Variants in KIF9 observed in about 807,000 individuals in gnomAD.
The protein encoded by KIF9 is kinesin-like protein KIF9.
In KIF9, 68 loss-of-function variants were observed where a neutral mutation model predicts 94.8. That is an observed-to-expected ratio of 0.72 (90% CI 0.59 to 0.88). KIF9 has a LOEUF of 0.88. KIF9 is among the 40% of genes least tolerant of loss of function. KIF9 has a pLI of 0.00. For missense variants in KIF9, 882 were observed against 982.5 expected (o/e 0.90, Z 1.37); for synonymous variants, 343 against 362.1 (o/e 0.95, Z 0.60).
At chr3:47,271,483 G>C (rs368017554) in intron 4 of KIF9, 22 bp from the exon 5 acceptor site, 3 of 1,597,520 alleles carry the variant, frequency 1.9e-6, no homozygotes, top group East Asian at 2.2e-5. Context: ...ATTGTACAGC[G>C]GTCACCAAGA....
At chr3:47,266,745 A>T (rs1156433328) in intron 7 of KIF9, among the ~76,000 whole-genome samples, 1 of 152,190 alleles carries the variant, frequency 6.6e-6, no homozygotes. Flanking sequence ...TGTAGAGGGC[A>T]CTATCTCATT....
intron 14 of KIF9, 190 bp downstream of exon 14, chr3:47,245,231 C>A: frequency 1.6e-6 from 1 of 620,246 alleles, no homozygotes; most frequent in Non-Finnish European, 2.9e-6. Flanking sequence ...CATGTCTCTA[C>A]CTTATGGAAA....
chr3:47,239,464 CT>C lies in KIF9; in HGVS notation c.1924+1336del, dbSNP rs1199027567. On this transcript the variant is annotated intron_variant, in intron 17 of 20. Coordinates refer to ENST00000684063, the MANE Select transcript of KIF9 (RefSeq NM_182902.4). The stretch of plus-strand genomic sequence containing the variant: ...AGCCACCATCACTGGCCTTCTCCAG[CT>C]TCCCAGACCCGTGGAGGGCTTTGCC... 3 of 753,972 alleles carry C rather than the reference CT, an allele frequency of 4.0e-6. No homozygotes were observed. In the Admixed American group the frequency reaches 1.6e-4, roughly 39 times the overall value. 46.7% of individuals were successfully genotyped at this position (753,972 alleles called of 1,614,324 possible).
At position 47,273,434 on chromosome 3, in the gene KIF9, A is replaced by G. The variant is rs972830945; in HGVS notation, c.366+118T>C. The stretch of plus-strand genomic sequence containing the variant: ...TATGTTGTCTCCAGTACCAGTATCC[A>G]CTGCAACTCCTTTGAGGCCTGGTCC... On this transcript the variant is annotated intron_variant, in intron 4 of 20. Coordinates refer to ENST00000684063, the MANE Select transcript of KIF9 (RefSeq NM_182902.4). 12 of 710,480 alleles carry G rather than the reference A, an allele frequency of 1.7e-5. No individual in the cohort carries two copies. In the East Asian group the frequency reaches 3.3e-4, roughly 20 times the overall value. The allele number at this position is 710,480 out of a possible 1,614,324, so 44.0% of individuals were successfully genotyped here. A position where few individuals can be genotyped will look rare whatever the true frequency, so the allele number is the denominator to read the frequency against.
rs1202316570 is a variant in KIF9 at position 47,271,345 on chromosome 3, G to C, written c.483C>G (p.Pro161=). ...CCACGATGGTCATTGGTGTGACTGA[G>C]GGTCCAACATAGGGCAGAGTGGACA... ...DLLSTLPYVG[P]SVTPMTIVEN... Residue 161 remains proline, a synonymous_variant, in exon 5 of 21, where the codon CCC becomes CCG. Coordinates refer to ENST00000684063, the MANE Select transcript of KIF9 (RefSeq NM_182902.4). 2 of 1,613,896 alleles carry C rather than the reference G, an allele frequency of 1.2e-6. No homozygotes were observed. The highest frequency in any genetic ancestry group is 3.3e-4 in the Middle Eastern group (2 of 6,062).
At chr3:47,265,569 T>C (rs913098019) in intron 8 of KIF9, among the ~76,000 whole-genome samples, 161 bp downstream of exon 8, 12 of 152,204 alleles carry the variant, frequency 7.9e-5, no homozygotes, top group Non-Finnish European at 1.8e-4. Flanking sequence ...CAGTGCTTGA[T>C]TCTGCCTTTC....
intron 1 of KIF9, chr3:47,280,852 T>C (rs1236046669): frequency 4.3e-6 from 3 of 698,640 alleles, no homozygotes; most frequent in Admixed American, 2.0e-5. Flanking sequence ...CATATCCACC[T>C]GCAATAAAGT....
At chr3:47,264,388 T>G (rs748684103) in intron 8 of KIF9, 38 bp from the exon 9 acceptor site, 1 of 1,558,340 alleles carries the variant, frequency 6.4e-7, no homozygotes, top group Non-Finnish European at 8.9e-7. Context: ...ATGAACCATG[T>G]GTTTTTTCTG....
At chr3:47,251,418 G>GCTGGGTGC (rs759243853) in intron 10 of KIF9, among the ~76,000 whole-genome samples, 22 of 152,136 alleles carry the variant, frequency 1.4e-4, no homozygotes, top group Admixed American at 9.8e-4. Flanking sequence ...ATAAAAAATA[G>GCTGGGTGC]CTGGGTGCGG....
intron 10 of KIF9, among the ~76,000 whole-genome samples, chr3:47,253,869 G>T (rs974179450): frequency 3.3e-5 from 5 of 152,152 alleles, no homozygotes; most frequent in African/African-American, 1.2e-4. Flanking sequence ...ATTACAATAA[G>T]TCTATAAAGA....
chr3:47,245,340 A>T (rs1699851023), intron 14 of KIF9, 81 bp downstream of exon 14: 1 of 1,049,764 alleles, frequency 9.5e-7, no homozygotes, highest in South Asian at 1.3e-5. Context: ...GGTTTAATGC[A>T]TTAATACTTG....
At chr3:47,235,279 A>G (rs1236597363) in intron 20 of KIF9, among the ~76,000 whole-genome samples, 3 of 152,166 alleles carry the variant, frequency 2.0e-5, no homozygotes, top group Non-Finnish European at 2.9e-5. Context: ...CGAACCATAC[A>G]TAGGCTAGTC....
Position 47,243,221 on chromosome 3 carries a change from G to A in KIF9, c.1539C>T (p.Ala513=). The A allele has an allele frequency of 6.2e-7, 1 of 1,611,100 alleles. No homozygotes were observed. The highest frequency in any genetic ancestry group is 8.5e-7 in the Non-Finnish European group (1 of 1,177,844). ...PLSSLARKEG[A]SSPVNGKDLD... is the part of the protein sequence containing the mutation. ...AGTCCTTCCCATTCACAGGGCTGCT[G>A]GCACCTTCCTTTCTTGCCAAGGAGC... Residue 513 remains alanine (A), a synonymous_variant, in exon 16 of 21, where the codon GCC becomes GCT. Coordinates refer to ENST00000684063, the MANE Select transcript of KIF9 (RefSeq NM_182902.4).
chr3:47,253,376 G>T (rs1474086242), intron 10 of KIF9, among the ~76,000 whole-genome samples: 1 of 151,902 alleles, frequency 6.6e-6, no homozygotes, highest in African/African-American at 2.4e-5. Flanking sequence ...GGCTGGTCTC[G>T]CACTCCTGGC....
Position 47,244,823 on chromosome 3 carries a change from G to C in KIF9, c.1482C>G (p.Ala494=). 1 of 1,614,058 alleles carries C rather than the reference G, an allele frequency of 6.2e-7. No individual in the cohort carries two copies. Among genetic ancestry groups the C allele is most frequent in the East Asian group, 2.2e-5 (1 of 44,882 alleles). The change falls in exon 15 of 21, where the codon GCC becomes GCG. Residue 494 remains alanine, a synonymous_variant. Coordinates refer to ENST00000684063, the MANE Select transcript of KIF9 (RefSeq NM_182902.4). The stretch of plus-strand genomic sequence containing the variant: ...GCTCTTTGAATGTCTTCTTGGACTT[G>C]GCTTTCTTCCCAGGTTTGGTAGAGA... ...APFSTKPGKK[A]KSKKTFKEPL...
rs749620485 is a variant in KIF9 at position 47,277,380 on chromosome 3, C to A, written c.-5-1G>T. 6.2e-7 allele frequency: 1 copy of A among 1,606,726 alleles called. No individual in the cohort carries two copies. The highest frequency in any genetic ancestry group is 1.7e-5 in the Admixed American group (1 of 59,776). ...ACTTTTTTCCTAGTACCCATTCTAG[C>A]TAAAAAGAAGGGAACAATGAAATTT... On this transcript the variant is annotated splice_acceptor_variant, in intron 1 of 20. Transcript: ENST00000684063. LOFTEE classifies it low-confidence loss of function (5UTR_SPLICE).
At chr3:47,279,617 A>AT (rs1202213208) in intron 1 of KIF9, among the ~76,000 whole-genome samples, 21 of 151,028 alleles carry the variant, frequency 1.4e-4, no homozygotes, top group Non-Finnish European at 2.4e-4. Context: ...ATTTTATTTT[A>AT]TTTTATTTTT....
chr3:47,261,774 G>A (rs551859244), intron 9 of KIF9, among the ~76,000 whole-genome samples: 3 of 152,148 alleles, frequency 2.0e-5, no homozygotes, highest in Admixed American at 6.5e-5. Context: ...GGCTCACAGC[G>A]AGCCCTCAAG....
chr3:47,261,554 T>C (rs1700974878), intron 9 of KIF9, among the ~76,000 whole-genome samples: 1 of 152,162 alleles, frequency 6.6e-6, no homozygotes, highest in Admixed American at 6.5e-5. Flanking sequence ...TCTCAATGAA[T>C]GATCCTGAAA....
Sources: gnomAD v4.1 joint callset for allele counts (sites outside exome capture counted in the v4.1 genomes callset) on GRCh38, gnomAD v4.1.1 for gene constraint, MANE v1.5 for transcripts, NCBI Gene and HGNC (gene_info 2026-07-23, HGNC 2026-07-21) for gene names.